Variants in SLC4A8 observed in about 807,000 individuals in gnomAD.
The protein encoded by SLC4A8 is solute carrier family 4 member 8.
Under a neutral mutation model 125.0 loss-of-function variants are expected in SLC4A8, and 40 were observed. That is an observed-to-expected ratio of 0.32 (90% CI 0.25 to 0.42). The LOEUF is 0.42. Among genes scored for constraint, SLC4A8 ranks in the 10% least tolerant of loss-of-function variants. The probability of loss-of-function intolerance (pLI) is 1.00; values close to 1 mark genes in which losing one functional copy is unlikely to be tolerated. For missense variants in SLC4A8, 863 were observed against 1,355.1 expected (o/e 0.64, Z 5.70); for synonymous variants, 456 against 476.0 (o/e 0.96, Z 0.55).
chr12:51,450,995 G>A lies in SLC4A8; in HGVS notation c.250G>A (p.Glu84Lys), dbSNP rs772160443. 3 of 1,555,028 alleles carry A rather than the reference G, an allele frequency of 1.9e-6. No homozygotes were observed. Among genetic ancestry groups the A allele is most frequent in the Non-Finnish European group, 2.6e-6 (3 of 1,148,138 alleles). The change falls in exon 3 of 25, where the codon GAG (glutamate) becomes AAG (lysine). Residue 84 changes from glutamate to lysine, a missense_variant. Physicochemically the swap from Glu to Lys is moderately conservative, Grantham distance 56. Coordinates refer to ENST00000453097, the MANE Select transcript of SLC4A8 (RefSeq NM_001039960.3). ...GCGGGGCAAAGGAGCCAGCCAGGGG[G>A]AGGAAGGCCTGGAAGCCCTGGCCCA... ...RGRGKGASQG[E>K]EGLEALAHDT...
intron 8 of SLC4A8, among the ~76,000 whole-genome samples, chr12:51,460,902 C>T (rs2138239918): frequency 1.3e-5 from 2 of 152,278 alleles, no homozygotes; most frequent in Middle Eastern, 6.8e-3. Flanking sequence ...GAATTTGCAC[C>T]ACAGTGCCAT....
chr12:51,489,943 A>G lies in SLC4A8; in HGVS notation c.2692A>G (p.Ile898Val), dbSNP rs12318785. Residue 898 changes from isoleucine (I) to valine (V), a missense_variant, in exon 19 of 25, where the codon ATC (isoleucine) becomes GTC (valine). By Grantham distance (29) the Ile-to-Val change is conservative. Coordinates refer to ENST00000453097, the MANE Select transcript of SLC4A8 (RefSeq NM_001039960.3). ...LMGCSVFMTAILKFIPMPVLY... is the reference protein window; with the variant it reads ...LMGCSVFMTAVLKFIPMPVLY... ...GGGCTGCTCAGTCTTCATGACGGCTATCTTAAAGGTAATCATCCTTTCAGT... is the reference window on the plus strand; with the variant it reads ...GGGCTGCTCAGTCTTCATGACGGCTGTCTTAAAGGTAATCATCCTTTCAGT... The G allele has an allele frequency of 3.9e-4, 634 of 1,614,104 alleles. 2 individuals carry two copies. In the African/African-American group the frequency reaches 7.3e-3, roughly 19 times the overall value.
intron 14 of SLC4A8, among the ~76,000 whole-genome samples, chr12:51,472,994 T>C (rs193297680): frequency 1.4e-4 from 21 of 151,970 alleles, no homozygotes; most frequent in African/African-American, 4.8e-4. Context: ...TCCCCCAATA[T>C]CAATATCCCA....
Position 51,414,732 on chromosome 12 carries a change from G to A in SLC4A8, c.-112+23244G>A, listed in dbSNP as rs536427032. On this transcript the variant is annotated intron_variant, in intron 1 of 24. Transcript: ENST00000358657. ...AATAGTGGTGAAAGTGGACATCCTT[G>A]TCTTATTCTAGTTCTTAGAGAAAAG... Among the ~76,000 whole-genome samples the A allele has an allele frequency of 1.4e-4, 21 of 152,268 alleles. No homozygotes were observed. The South Asian group carries it at 1.7e-3, about 12-fold the overall frequency.
intron 1 of SLC4A8, chr12:51,403,148 T>C: frequency 9.2e-6 from 2 of 217,796 alleles, no homozygotes; most frequent in Non-Finnish European, 2.3e-5. Flanking sequence ...GCTCAGAACA[T>C]AATAAATGCT....
In SLC4A8 at chr12:51,474,446, G is replaced by A. The variant is rs752260703; in HGVS notation, c.2009G>A (p.Ser670Asn). ...GTCCACTGGGCTAACCTGACTGTCA[G>A]TGTAAGTCTGGGAGCTGCCAGATGT... is the stretch of plus-strand genomic sequence containing the variant. The part of the protein sequence containing the change: ...AEVHWANLTV[S>N]ECQEMHGEFM... Residue 670 changes from serine (S) to asparagine (N), a missense_variant and splice_region_variant, in exon 15 of 25, where the codon AGT (serine) becomes AAT (asparagine). Coordinates refer to ENST00000453097, the MANE Select transcript of SLC4A8 (RefSeq NM_001039960.3). 15 of 1,612,922 alleles carry A rather than the reference G, an allele frequency of 9.3e-6. No individual in the cohort carries two copies. The East Asian group carries it at 3.1e-4, about 34-fold the overall frequency.
At chr12:51,472,313 C>G (rs1001647324) in intron 14 of SLC4A8, among the ~76,000 whole-genome samples, 1 of 152,214 alleles carries the variant, frequency 6.6e-6, no homozygotes, top group Non-Finnish European at 1.5e-5. Context: ...CAACTTCAGT[C>G]TGAAACTGTC....
At position 51,440,805 on chromosome 12, in the gene SLC4A8, C is replaced by T. The variant is rs769080538; in HGVS notation, c.130+16C>T. ...GAGCTGGAAGGTAAGAACTGCCATG[C>T]TGTGTGATCAGGGAAATTGGTGAGG... On this transcript the variant is annotated intron_variant, in intron 2 of 24. Transcript: ENST00000453097. The T allele has an allele frequency of 5.0e-6, 8 of 1,594,400 alleles. No homozygotes were observed. In the Admixed American group the frequency reaches 1.3e-4, roughly 25 times the overall value.
At chr12:51,476,579 G>C (rs756928894) in intron 16 of SLC4A8, among the ~76,000 whole-genome samples, 2 of 152,158 alleles carry the variant, frequency 1.3e-5, no homozygotes, top group Non-Finnish European at 2.9e-5. Context: ...CACTATTGTA[G>C]ATAGTTTTAA....
At chr12:51,455,081 C>CT (rs1407878540) in intron 5 of SLC4A8, among the ~76,000 whole-genome samples, 1 of 133,228 alleles carries the variant, frequency 7.5e-6, no homozygotes, top group Non-Finnish European at 1.6e-5. Flanking sequence ...CCATTTAACT[C>CT]TGAGTTGACA....
Position 51,429,516 on chromosome 12 carries a change from T to A in SLC4A8, c.48+4481T>A, listed in dbSNP as rs114767676. Among the ~76,000 whole-genome samples the A allele has an allele frequency of 8.7e-3, 1,329 of 152,116 alleles. 16 individuals carry two copies. Among genetic ancestry groups the A allele is most frequent in the African/African-American group, 0.03 (1,261 of 41,494 alleles). ...AAGGTGTTTATGGAATTTTTATTTA[T>A]TTTTGAGACAGGGTCTCACTCTGTT... On this transcript the variant is annotated intron_variant, in intron 1 of 24. Transcript: ENST00000453097.
chr12:51,414,416 C>G (rs765471085), intron 1 of SLC4A8, among the ~76,000 whole-genome samples: 72 of 152,084 alleles, frequency 4.7e-4, no homozygotes, highest in African/African-American at 1.6e-3. Flanking sequence ...TTATTTGTTT[C>G]TCTTGCCTGA....
chr12:51,484,687 G>A (rs1951117829), intron 16 of SLC4A8, among the ~76,000 whole-genome samples: 1 of 152,188 alleles, frequency 6.6e-6, no homozygotes, highest in African/African-American at 2.4e-5. Context: ...GATTAAGGCA[G>A]GCACGGGTCA....
chr12:51,458,256 G>A (rs1950217486), intron 6 of SLC4A8, among the ~76,000 whole-genome samples: 1 of 152,138 alleles, frequency 6.6e-6, no homozygotes, highest in African/African-American at 2.4e-5. Context: ...TTTTTGAAAA[G>A]TTTTCCATAG....
chr12:51,466,697 G>T (rs144927223), intron 11 of SLC4A8, among the ~76,000 whole-genome samples: 231 of 152,338 alleles, frequency 1.5e-3, no homozygotes, highest in Non-Finnish European at 2.6e-3. Flanking sequence ...ATGCATGAAT[G>T]AGGTATGAGG....
intron 24 of SLC4A8, among the ~76,000 whole-genome samples, chr12:51,507,090 C>T (rs960416901): frequency 1.3e-5 from 2 of 152,180 alleles, no homozygotes; most frequent in Admixed American, 6.5e-5. Context: ...CTAACTGCCC[C>T]ACTCCTGAGG....
intron 20 of SLC4A8, 48 bp downstream of exon 20, chr12:51,493,820 A>G (rs761217916): frequency 4.1e-6 from 5 of 1,207,710 alleles, no homozygotes; most frequent in Admixed American, 1.7e-5. Context: ...GCAAGTTTGC[A>G]TGTCCTGTCC....
chr12:51,508,527 A>G lies in SLC4A8; in HGVS notation c.*1089A>G, dbSNP rs574357259. ...CTTAGAGTAAACGATCATCAGTTCAATGGACCAAAATCACCTTCAGCCATG... is the reference window on the plus strand; with the variant it reads ...CTTAGAGTAAACGATCATCAGTTCAGTGGACCAAAATCACCTTCAGCCATG... On this transcript the variant is annotated 3_prime_UTR_variant, in exon 25 of 25. Transcript: ENST00000453097. 8.1e-4 allele frequency: 123 copies of G among 152,746 alleles called. 2 individuals carry two copies. Among genetic ancestry groups the G allele is most frequent in the East Asian group, 1.3e-3 (7 of 5,194 alleles). The allele number at this position is 152,746 out of a possible 1,614,324, so 9.5% of individuals were successfully genotyped here.
chr12:51,428,204 C>G (rs903459175), intron 1 of SLC4A8, among the ~76,000 whole-genome samples: 4 of 152,118 alleles, frequency 2.6e-5, no homozygotes, highest in Non-Finnish European at 5.9e-5. Flanking sequence ...AACCTTCATC[C>G]CAGTCACTCT....
Sources: gnomAD v4.1 joint callset for allele counts (sites outside exome capture counted in the v4.1 genomes callset) on GRCh38, gnomAD v4.1.1 for gene constraint, MANE v1.5 for transcripts, NCBI Gene and HGNC (gene_info 2026-07-23, HGNC 2026-07-21) for gene names.